ATP6V1F: variants seen among roughly 807,000 people sequenced by gnomAD.
The protein encoded by ATP6V1F is V-type proton ATPase subunit F.
In ATP6V1F, 4 loss-of-function variants were observed where a neutral mutation model predicts 6.6. That is an observed-to-expected ratio of 0.60 (90% CI 0.30 to 1.38). The LOEUF (loss-of-function observed/expected upper bound fraction) is 1.38. ATP6V1F is among the 40% of genes most tolerant of loss of function. The pLI is 0.08. For synonymous variants in ATP6V1F, 68 were observed against 66.9 expected, an observed-to-expected ratio of 1.02 and a Z score of -0.08; for missense variants, 136 against 165.5, an observed-to-expected ratio of 0.82 and a Z score of 0.98.
rs780470528 is a variant in ATP6V1F, at chr7:128,865,506, C to T, written c.288C>T (p.His96=). ...TCCTGGAGATCCCCTCCAAGGAGCA[C>T]CCATATGACGCCGCCAAGGACTCCA... is the stretch of plus-strand genomic sequence containing the variant. ...PAVLEIPSKE[H]PYDAAKDSIL... The change falls in exon 2 of 2, where the codon CAC becomes CAT. Residue 96 remains histidine, a synonymous_variant. Coordinates refer to ENST00000249289, the MANE Select transcript of ATP6V1F (RefSeq NM_004231.4). The surrounding 1 kb of genome is among the most constrained non-coding windows in gnomAD (Gnocchi z 4.4). The T allele has an allele frequency of 6.2e-7, 1 of 1,614,140 alleles. No individual in the cohort carries two copies. The highest frequency in any genetic ancestry group is 1.1e-5 in the South Asian group (1 of 91,084).
chr7:128,864,942 A>G (rs1276449838), intron 1 of ATP6V1F: 3 of 610,188 alleles, frequency 4.9e-6, no homozygotes, highest in African/African-American at 1.8e-5. Context: ...GGTTCAAGCA[A>G]TCCACCTGCC....
In ATP6V1F at chr7:128,865,835, T is replaced by C; in HGVS notation, c.*257T>C. Reference sequence around the variant, plus strand: ...TTGATGTTAAATTAAAGTCATATTCTTGCTTCTCTCCAGATGGGTTGGGTG... The same window carrying C: ...TTGATGTTAAATTAAAGTCATATTCCTGCTTCTCTCCAGATGGGTTGGGTG... On this transcript the variant is annotated 3_prime_UTR_variant, in exon 2 of 2. Transcript: ENST00000249289. The surrounding 1 kb of genome is among the most constrained non-coding windows in gnomAD (Gnocchi z 4.4). 1 of 529,270 alleles carries C rather than the reference T, an allele frequency of 1.9e-6. No individual in the cohort carries two copies. The highest frequency in any genetic ancestry group is 2.4e-5 in the South Asian group (1 of 42,054). 32.8% of individuals were successfully genotyped at this position (529,270 alleles called of 1,614,324 possible). A position where few individuals can be genotyped will look rare whatever the true frequency, so the allele number is the denominator to read the frequency against.
intron 1 of ATP6V1F, among the ~76,000 whole-genome samples, chr7:128,863,598 T>G (rs538200453): frequency 3.6e-4 from 55 of 152,340 alleles, no homozygotes; most frequent in Admixed American, 9.1e-4. Flanking sequence ...ATGTCGGGAC[T>G]GTGAGAGCCT....
In ATP6V1F at chr7:128,862,944, G is replaced by C. The variant is rs751026768; in HGVS notation, c.40G>C (p.Glu14Gln). 6 of 1,613,032 alleles carry C rather than the reference G, an allele frequency of 3.7e-6. No homozygotes were observed. Among genetic ancestry groups the C allele is most frequent in the Non-Finnish European group, 5.1e-6 (6 of 1,179,566 alleles). ...RGKLIAVIGD[E>Q]DTVTGFLLGG... ...TAAGCTCATCGCAGTGATCGGAGAC[G>C]AGGACACGGTGACTGGTTTCCTGCT... The change falls in exon 1 of 2, where the codon GAG (glutamate) becomes CAG (glutamine). Residue 14 changes from glutamate to glutamine, a missense_variant. Physicochemically the swap from Glu to Gln is conservative, Grantham distance 29. Coordinates refer to ENST00000249289, the MANE Select transcript of ATP6V1F (RefSeq NM_004231.4).
Position 128,865,179 on chromosome 7 carries a change from C to A in ATP6V1F, c.159-198C>A, listed in dbSNP as rs117627878. Reference sequence around the variant, plus strand: ...GCCAACCCTAATCAGCGTGACCCTCCGCTTTGGGATGAAATTGATTCTAGG... The same window carrying A: ...GCCAACCCTAATCAGCGTGACCCTCAGCTTTGGGATGAAATTGATTCTAGG... On this transcript the variant is annotated intron_variant, in intron 1 of 1. Transcript: ENST00000249289. The surrounding 1 kb of genome is among the most constrained non-coding windows in gnomAD (Gnocchi z 4.4). The A allele has an allele frequency of 1.3e-6, 2 of 1,536,578 alleles. No homozygotes were observed. The highest frequency in any genetic ancestry group is 2.4e-5 in the South Asian group (2 of 84,066).
Position 128,865,782 on chromosome 7 carries a change from T to G in ATP6V1F, c.*204T>G. Reference sequence around the variant, plus strand: ...CCTGACCATCTCCCTCCACTACCTCTTCCCTGTGCTGTTACACAGTGTCAT... The same window carrying G: ...CCTGACCATCTCCCTCCACTACCTCGTCCCTGTGCTGTTACACAGTGTCAT... On this transcript the variant is annotated 3_prime_UTR_variant, in exon 2 of 2. Transcript: ENST00000249289. This position sits in a 1 kb window ranked among gnomAD's most constrained non-coding sequence, Gnocchi z 4.4. 1 of 596,846 alleles carries G rather than the reference T, an allele frequency of 1.7e-6. No individual in the cohort carries two copies. The highest frequency in any genetic ancestry group is 2.8e-5 in the East Asian group (1 of 35,866). 37.0% of individuals were successfully genotyped at this position (596,846 alleles called of 1,614,324 possible).
chr7:128,863,180 C>T (rs1585175817), intron 1 of ATP6V1F, 118 bp downstream of exon 1: 1 of 1,307,674 alleles, frequency 7.6e-7, no homozygotes. Context: ...TCCGCCCTTC[C>T]GGAGCGGAGG....
At chr7:128,863,138 G>C (rs972063802) in intron 1 of ATP6V1F, 76 bp downstream of exon 1, 37 of 1,541,588 alleles carry the variant, frequency 2.4e-5, no homozygotes, top group African/African-American at 9.9e-5. Flanking sequence ...AGGCTGCCCG[G>C]ACGGGGGTGA....
At chr7:128,863,141 G>A in intron 1 of ATP6V1F, 79 bp downstream of exon 1, 2 of 1,517,862 alleles carry the variant, frequency 1.3e-6, no homozygotes, top group Non-Finnish European at 1.8e-6. Flanking sequence ...CTGCCCGGAC[G>A]GGGGTGAGGG....
chr7:128,865,621 T>C lies in ATP6V1F; in HGVS notation c.*43T>C. The C allele has an allele frequency of 6.4e-7, 1 of 1,566,486 alleles. No homozygotes were observed. On this transcript the variant is annotated 3_prime_UTR_variant, in exon 2 of 2. Coordinates refer to ENST00000249289, the MANE Select transcript of ATP6V1F (RefSeq NM_004231.4). This position sits in a 1 kb window ranked among gnomAD's most constrained non-coding sequence, Gnocchi z 4.4. ...TCAGCCCTTCCCTCGTTTCCAGGCC[T>C]CTCCCCAGGCTTGCCATCAGCCTTC...
chr7:128,864,109 C>T (rs1291597657), intron 1 of ATP6V1F, among the ~76,000 whole-genome samples: 11 of 152,106 alleles, frequency 7.2e-5, no homozygotes, highest in Admixed American at 4.6e-4. Flanking sequence ...TTTTGGAGGC[C>T]GAGGCGGGTG....
rs2128942022 is a variant in ATP6V1F at position 128,865,651 on chromosome 7, C to CT, written c.*78dup. Reference sequence around the variant, plus strand: ...CCAGGCTTGCCATCAGCCTTCTTTACTTTTTGAGCCTCTGATTTCCAATTC... The same window carrying CT: ...CCAGGCTTGCCATCAGCCTTCTTTACTTTTTTGAGCCTCTGATTTCCAATTC... On this transcript the variant is annotated 3_prime_UTR_variant, in exon 2 of 2. Transcript: ENST00000249289. This position sits in a 1 kb window ranked among gnomAD's most constrained non-coding sequence, Gnocchi z 4.4. 2.8e-6 allele frequency: 4 copies of CT among 1,445,658 alleles called. No individual in the cohort carries two copies. The highest frequency in any genetic ancestry group is 1.8e-4 in the Middle Eastern group (1 of 5,556). 89.6% of individuals were successfully genotyped at this position (1,445,658 alleles called of 1,614,324 possible). A position where few individuals can be genotyped will look rare whatever the true frequency, so the allele number is the denominator to read the frequency against.
chr7:128,864,320 G>A (rs909458560), intron 1 of ATP6V1F, among the ~76,000 whole-genome samples: 6 of 152,188 alleles, frequency 3.9e-5, no homozygotes, highest in African/African-American at 1.4e-4. Flanking sequence ...TCCAGCCTGG[G>A]TGACAGAGGG....
At chr7:128,864,213 G>A (rs1020069168) in intron 1 of ATP6V1F, among the ~76,000 whole-genome samples, 1 of 152,042 alleles carries the variant, frequency 6.6e-6, no homozygotes, top group African/African-American at 2.4e-5. Context: ...GCGTGGTGGC[G>A]GGTGCCTGTA....
In ATP6V1F at chr7:128,865,153, A is replaced by G. The variant is rs1317709654; in HGVS notation, c.159-224A>G. On this transcript the variant is annotated intron_variant, in intron 1 of 1. Transcript: ENST00000249289. The surrounding 1 kb of genome is among the most constrained non-coding windows in gnomAD (Gnocchi z 4.4). ...GAAGCCTTCCGGGCAGTGTTGTAGA[A>G]GCCAACCCTAATCAGCGTGACCCTC... 6.5e-7 allele frequency: 1 copy of G among 1,536,294 alleles called. No individual in the cohort carries two copies. Among genetic ancestry groups the G allele is most frequent in the African/African-American group, 1.4e-5 (1 of 73,168 alleles).
chr7:128,863,249 C>G (rs1174107820), intron 1 of ATP6V1F, among the ~76,000 whole-genome samples, 187 bp downstream of exon 1: 1 of 152,092 alleles, frequency 6.6e-6, no homozygotes, highest in Non-Finnish European at 1.5e-5. Context: ...ATCAGGTCCA[C>G]GAGCCCCCCC....
chr7:128,865,442 G>A lies in ATP6V1F; in HGVS notation c.224G>A (p.Arg75Gln), dbSNP rs919041525. 8 of 1,614,152 alleles carry A rather than the reference G, an allele frequency of 5.0e-6. No homozygotes were observed. Among genetic ancestry groups the A allele is most frequent in the Admixed American group, 1.7e-5 (1 of 60,032 alleles). ...LINQYIAEMV[R>Q]HALDAHQQSI... The stretch of plus-strand genomic sequence containing the variant: ...AACCAGTACATCGCAGAGATGGTGC[G>A]GCATGCCCTGGACGCCCACCAGCAG... The change falls in exon 2 of 2, where the codon CGG (arginine) becomes CAG (glutamine). Residue 75 changes from arginine to glutamine, a missense_variant. By Grantham distance (43) the Arg-to-Gln change is conservative (BLOSUM62 1). Transcript: ENST00000249289. This position sits in a 1 kb window ranked among gnomAD's most constrained non-coding sequence, Gnocchi z 4.4.
chr7:128,863,211 G>T (rs1809309280), intron 1 of ATP6V1F, 149 bp downstream of exon 1: 1 of 907,866 alleles, frequency 1.1e-6, no homozygotes, highest in Admixed American at 2.8e-5. Flanking sequence ...CCAAGTCCCC[G>T]TTTGGGGCTC....
chr7:128,863,402 C>G (rs1809316236), intron 1 of ATP6V1F, among the ~76,000 whole-genome samples: 1 of 152,204 alleles, frequency 6.6e-6, no homozygotes, highest in Non-Finnish European at 1.5e-5. Context: ...GTCCTACTCA[C>G]AGGTGAGAAA....
Sources: allele counts gnomAD v4.1 joint callset (sites outside exome capture counted in the v4.1 genomes callset), GRCh38; gene constraint gnomAD v4.1.1; non-coding constraint Gnocchi (gnomAD v3.1); transcripts MANE v1.5; gene names NCBI Gene and HGNC (gene_info 2026-07-23, HGNC 2026-07-21).